The following KLF12 variants were observed in gnomAD, a reference collection of about 807,000 sequenced individuals.
KLF12 encodes KLF transcription factor 12.
A neutral mutation model predicts 37.8 loss-of-function variants in KLF12; 9 were observed. That is an observed-to-expected ratio of 0.24 (90% CI 0.14 to 0.42). The LOEUF (loss-of-function observed/expected upper bound fraction) is 0.42, where lower values mean the gene tolerates loss of function less well. Among genes scored for constraint, KLF12 ranks in the 10% least tolerant of loss-of-function variants. The pLI is 1.00. For missense variants in KLF12, 411 were observed against 516.0 expected (o/e 0.80, Z 1.97); for synonymous variants, 208 against 202.1 (o/e 1.03, Z -0.25).
At chr13:73,909,256 C>T (rs914145340) in intron 3 of KLF12, among the ~76,000 whole-genome samples, 2 of 152,080 alleles carry the variant, frequency 1.3e-5, no homozygotes, top group African/African-American at 2.4e-5. Context: ...TACCAGTGGC[C>T]GAGCATAAAG....
chr13:74,260,680 G>C, the KLF12 span, among the ~76,000 whole-genome samples: 1 of 151,474 alleles, frequency 6.6e-6, no homozygotes, highest in African/African-American at 2.4e-5. Context: ...GCTTCAAATG[G>C]AAAAGCAATA....
chr13:73,705,634 C>T (rs926990053), intron 7 of KLF12, among the ~76,000 whole-genome samples: 1 of 152,116 alleles, frequency 6.6e-6, no homozygotes, highest in African/African-American at 2.4e-5. Flanking sequence ...TCCTTATTGT[C>T]TTTAATAATT....
the KLF12 span, among the ~76,000 whole-genome samples, chr13:74,169,234 T>G: frequency 6.6e-6 from 1 of 152,252 alleles, no homozygotes; most frequent in Non-Finnish European, 1.5e-5. Context: ...ATGCAATTTA[T>G]GATGTTATTT....
intron 3 of KLF12, among the ~76,000 whole-genome samples, chr13:73,911,282 G>A (rs1229176462): frequency 6.6e-6 from 1 of 151,670 alleles, no homozygotes; most frequent in African/African-American, 2.4e-5. Context: ...TTAATAAGAG[G>A]CAAGAGCATA....
intron 1 of KLF12, among the ~76,000 whole-genome samples, chr13:74,040,473 G>A (rs1893372372): frequency 6.6e-6 from 1 of 152,160 alleles, no homozygotes; most frequent in African/African-American, 2.4e-5. Context: ...CAGAAGACCT[G>A]GGGAGCCTCC....
At chr13:73,748,186 C>T (rs995287316) in intron 6 of KLF12, among the ~76,000 whole-genome samples, 3 of 152,126 alleles carry the variant, frequency 2.0e-5, no homozygotes, top group Non-Finnish European at 4.4e-5. Flanking sequence ...CATTTGTAAT[C>T]CCATATCAGA....
At position 73,829,005 on chromosome 13, in the gene KLF12, C is replaced by T. The variant is rs535879326; in HGVS notation, c.671-15718G>A. Among the ~76,000 whole-genome samples, 5 of 152,124 alleles carry T rather than the reference C, an allele frequency of 3.3e-5. No homozygotes were observed. In the South Asian group the frequency reaches 8.3e-4, roughly 25 times the overall value. On this transcript the variant is annotated intron_variant, in intron 4 of 7. Coordinates refer to ENST00000377669, the MANE Select transcript of KLF12 (RefSeq NM_007249.5). ...TCCTGAAGTGATAGCCACACCTCAC[C>T]GCCACCCAACACCACCACCGAGTAT...
the KLF12 span, among the ~76,000 whole-genome samples, chr13:74,142,446 A>C: frequency 6.6e-6 from 1 of 152,218 alleles, no homozygotes; most frequent in Non-Finnish European, 1.5e-5. Flanking sequence ...GACCTTTGAC[A>C]GGTTGCTTAA....
chr13:74,232,940 C>T, the KLF12 span, among the ~76,000 whole-genome samples: 1 of 152,054 alleles, frequency 6.6e-6, no homozygotes, highest in Non-Finnish European at 1.5e-5. Context: ...GGCTGGAGTG[C>T]AGTGGCGTGA....
chr13:74,059,252 G>A (rs1873435584), intron 1 of KLF12, among the ~76,000 whole-genome samples: 1 of 152,202 alleles, frequency 6.6e-6, no homozygotes, highest in Non-Finnish European at 1.5e-5. Context: ...AAACACACAA[G>A]AGCAAGCATT....
chr13:74,091,084 C>T (rs1401907008), intron 1 of KLF12, among the ~76,000 whole-genome samples: 6 of 151,964 alleles, frequency 3.9e-5, no homozygotes, highest in Non-Finnish European at 8.8e-5. Context: ...GTGTCTATGG[C>T]CAATAGATTT....
At chr13:74,171,147 T>TTTGATGG in the KLF12 span, among the ~76,000 whole-genome samples, 1 of 152,106 alleles carries the variant, frequency 6.6e-6, no homozygotes. Flanking sequence ...TCAAACCAGG[T>TTTGATGG]CTCCTGATGC....
chr13:74,044,674 G>A (rs532414049), intron 1 of KLF12, among the ~76,000 whole-genome samples: 66 of 151,996 alleles, frequency 4.3e-4, no homozygotes, highest in African/African-American at 1.4e-3. Context: ...GTGAAACCCC[G>A]TCTCTACTAA....
chr13:73,880,402 G>C (rs1886919634), intron 3 of KLF12, among the ~76,000 whole-genome samples: 3 of 152,172 alleles, frequency 2.0e-5, no homozygotes, highest in African/African-American at 7.2e-5. Flanking sequence ...GGACACATCA[G>C]CATGGTAAAG....
chr13:74,131,371 C>G (rs544129334), intron 1 of KLF12, among the ~76,000 whole-genome samples: 2 of 152,186 alleles, frequency 1.3e-5, no homozygotes, highest in Non-Finnish European at 2.9e-5. Flanking sequence ...TTTGTTCTCC[C>G]TTTGGCCTGG....
the KLF12 span, chr13:74,257,603 C>T: frequency 6.6e-6 from 1 of 152,172 alleles, no homozygotes; most frequent in Non-Finnish European, 1.5e-5. Flanking sequence ...TAGAGGCAAC[C>T]TTGGCACAAG....
At chr13:74,034,535 A>T (rs1268646383) in intron 1 of KLF12, among the ~76,000 whole-genome samples, 1 of 152,234 alleles carries the variant, frequency 6.6e-6, no homozygotes, top group Non-Finnish European at 1.5e-5. Context: ...TTAAACTGAC[A>T]AAACTTTTAT....
the KLF12 span, among the ~76,000 whole-genome samples, chr13:74,151,620 T>C: frequency 6.6e-6 from 1 of 151,960 alleles, no homozygotes; most frequent in Non-Finnish European, 1.5e-5. Flanking sequence ...ACCACTGCAC[T>C]CCAGCCTGGG....
intron 6 of KLF12, among the ~76,000 whole-genome samples, 193 bp downstream of exon 6, chr13:73,764,745 G>A (rs2138073867): frequency 1.3e-5 from 2 of 152,206 alleles, no homozygotes; most frequent in East Asian, 3.9e-4. Flanking sequence ...TTTGGTGAAT[G>A]AAGAGTTTGG....
Sources: gnomAD v4.1 joint callset for allele counts (sites outside exome capture counted in the v4.1 genomes callset) on GRCh38, gnomAD v4.1.1 for gene constraint, MANE v1.5 for transcripts, NCBI Gene and HGNC (gene_info 2026-07-23, HGNC 2026-07-21) for gene names.